The following KALRN variants were observed in gnomAD, a reference collection of about 807,000 sequenced individuals.
KALRN encodes kalirin.
Under a neutral mutation model 353.7 loss-of-function variants are expected in KALRN, and 70 were observed. That is an observed-to-expected ratio of 0.20 (90% CI 0.16 to 0.24). KALRN has a LOEUF of 0.24. Ranked by LOEUF, KALRN falls within the 10% of genes least tolerant of loss-of-function variation. The pLI is 1.00. For missense variants in KALRN, 2,791 were observed against 3,756.7 expected (o/e 0.74, Z 6.72); for synonymous variants, 1,391 against 1,434.8 (o/e 0.97, Z 0.69).
At chr3:124,273,805 C>T (rs1055100586) in intron 5 of KALRN, among the ~76,000 whole-genome samples, 1 of 152,244 alleles carries the variant, frequency 6.6e-6, no homozygotes, top group African/African-American at 2.4e-5. Context: ...TGAACCACTG[C>T]AGTCTCAGCC....
chr3:124,649,826 G>GATAGATAA (rs2083201394), intron 37 of KALRN, among the ~76,000 whole-genome samples: 4 of 149,960 alleles, frequency 2.7e-5, no homozygotes, highest in Middle Eastern at 6.9e-3. Context: ...TAGATAGATA[G>GATAGATAA]ATAGATAGAT....
chr3:124,456,720 G>A lies in KALRN; in HGVS notation c.3846G>A (p.Arg1282=). Residue 1282 remains arginine (R), a synonymous_variant, in exon 23 of 60, where the codon CGG becomes CGA. Coordinates refer to ENST00000682506, the MANE Select transcript of KALRN (RefSeq NM_001388419.1). ...EVNEEKRKSA[R]KKEFIMAELL... ...ATGAAGAGAAGCGGAAGTCAGCCCG[G>A]AAGAAAGAGTACGTGTTGGCTTCCG... 1 of 1,611,688 alleles carries A rather than the reference G, an allele frequency of 6.2e-7. No homozygotes were observed. Among genetic ancestry groups the A allele is most frequent in the East Asian group, 2.2e-5 (1 of 44,780 alleles).
At chr3:124,538,136 AACGTATGTACCTTCTCTC>A (rs1267771684) in intron 33 of KALRN, among the ~76,000 whole-genome samples, 3 of 152,196 alleles carry the variant, frequency 2.0e-5, no homozygotes, top group Admixed American at 6.5e-5. Flanking sequence ...ATGAGGCAAA[AACGTATGTACCTTCTCTC>A]ACCACTGCCT....
intron 1 of KALRN, among the ~76,000 whole-genome samples, chr3:124,180,224 A>G (rs553846859): frequency 1.3e-5 from 2 of 152,322 alleles, no homozygotes; most frequent in Non-Finnish European, 2.9e-5. Context: ...GGCTGTAGCA[A>G]CTTTTGGCAC....
chr3:124,371,976 C>T lies in KALRN; in HGVS notation c.1771-12869C>T, dbSNP rs1226886221. Among the ~76,000 whole-genome samples the T allele has an allele frequency of 3.9e-5, 6 of 152,182 alleles. 1 individual carries two copies. In the South Asian group the frequency reaches 6.2e-4, roughly 16 times the overall value. ...TTCCCAGCTTCTAAAAACCTTCCAT[C>T]TACTCTCTATGTCCCTGAGTTCTAT... is the stretch of plus-strand genomic sequence containing the variant. On this transcript the variant is annotated intron_variant, in intron 10 of 59. Coordinates refer to ENST00000682506, the MANE Select transcript of KALRN (RefSeq NM_001388419.1).
chr3:124,444,847 G>GA (rs1179665973), intron 19 of KALRN, among the ~76,000 whole-genome samples: 2 of 148,798 alleles, frequency 1.3e-5, no homozygotes, highest in Admixed American at 6.7e-5. Context: ...GAGAGAGAAA[G>GA]AAAAAAAAGC....
intron 1 of KALRN, among the ~76,000 whole-genome samples, chr3:124,177,019 A>T (rs765448176): frequency 7.2e-5 from 11 of 152,188 alleles, no homozygotes; most frequent in Non-Finnish European, 1.6e-4. Flanking sequence ...CTTAGCAAGG[A>T]TCACCTGACC....
At chr3:124,267,030 C>T (rs369548626) in intron 4 of KALRN, among the ~76,000 whole-genome samples, 1 of 152,116 alleles carries the variant, frequency 6.6e-6, no homozygotes, top group East Asian at 1.9e-4. Context: ...TCTCTGCCTC[C>T]TAAATAAGAG....
intron 10 of KALRN, among the ~76,000 whole-genome samples, chr3:124,373,841 T>G (rs1468871335): frequency 6.6e-6 from 1 of 152,218 alleles, no homozygotes; most frequent in Non-Finnish European, 1.5e-5. Flanking sequence ...GGGTTAGAGC[T>G]ACAGCATATC....
chr3:124,658,940 G>A (rs1227716916), intron 42 of KALRN, among the ~76,000 whole-genome samples: 2 of 152,162 alleles, frequency 1.3e-5, no homozygotes, highest in Non-Finnish European at 2.9e-5. Context: ...TTATTTTGCT[G>A]GGAGAAAGGC....
chr3:124,452,675 G>T (rs1272542109), intron 21 of KALRN, among the ~76,000 whole-genome samples: 3 of 152,028 alleles, frequency 2.0e-5, no homozygotes, highest in African/African-American at 4.8e-5. Flanking sequence ...AGGTGGAGCC[G>T]CATGGGGAAG....
chr3:124,368,619 G>A (rs1178454958), intron 10 of KALRN, among the ~76,000 whole-genome samples: 2 of 147,864 alleles, frequency 1.4e-5, no homozygotes, highest in Non-Finnish European at 1.5e-5. Flanking sequence ...CCCAGACGAT[G>A]GGCGGCCAGG....
intron 11 of KALRN, among the ~76,000 whole-genome samples, chr3:124,392,789 A>ATT (rs200007143): frequency 6.9e-6 from 1 of 145,762 alleles, no homozygotes; most frequent in South Asian, 2.2e-4. Context: ...ATTTTTTTTT[A>ATT]TTTTTTTTTT....
chr3:124,348,541 C>A (rs2082506881), intron 10 of KALRN, among the ~76,000 whole-genome samples: 1 of 152,200 alleles, frequency 6.6e-6, no homozygotes, highest in South Asian at 2.1e-4. Context: ...GGATTGGACC[C>A]AACCTGTGGG....
chr3:124,464,292 C>A (rs546981830), intron 25 of KALRN, among the ~76,000 whole-genome samples: 13 of 152,340 alleles, frequency 8.5e-5, no homozygotes, highest in African/African-American at 2.6e-4. Flanking sequence ...CACGCACTTT[C>A]TGGGAGCCCT....
chr3:124,344,487 T>C (rs1196462315), intron 9 of KALRN, among the ~76,000 whole-genome samples: 1 of 152,248 alleles, frequency 6.6e-6, no homozygotes, highest in Admixed American at 6.5e-5. Context: ...CTAAATGAAC[T>C]GTCTGAAACA....
At chr3:124,462,104 G>A in intron 24 of KALRN, 148 bp downstream of exon 24, 1 of 654,316 alleles carries the variant, frequency 1.5e-6, no homozygotes, top group Non-Finnish European at 2.7e-6. Context: ...TTCTCCTAAA[G>A]TCAACAATAA....
At position 124,696,167 on chromosome 3, in the gene KALRN, T is replaced by C. The variant is rs749256554; in HGVS notation, c.7611T>C (p.Asn2537=). ...GAGAAATCACCCTGAAGATCTGTAA[T>C]CTGATGCCCCAAGACAGTGGGATTT... The part of the protein sequence containing the change: ...DSGEITLKIC[N]LMPQDSGIYT... Residue 2537 remains asparagine (N), a synonymous_variant, in exon 54 of 60, where the codon AAT becomes AAC. Transcript: ENST00000682506. 4.3e-6 allele frequency: 7 copies of C among 1,614,050 alleles called. No individual in the cohort carries two copies. The highest frequency in any genetic ancestry group is 3.4e-6 in the Non-Finnish European group (4 of 1,179,896).
At chr3:124,232,437 C>T (rs138936411) in intron 2 of KALRN, among the ~76,000 whole-genome samples, 5,186 of 152,248 alleles carry the variant, frequency 0.034, 137 homozygotes, top group Middle Eastern at 0.092. Flanking sequence ...TGAACTCTTC[C>T]CTCTCCACCA....
Sources: allele counts gnomAD v4.1 joint callset (sites outside exome capture counted in the v4.1 genomes callset), GRCh38; gene constraint gnomAD v4.1.1; transcripts MANE v1.5; gene names NCBI Gene and HGNC (gene_info 2026-07-23, HGNC 2026-07-21).